Variants in RAB31 observed in about 807,000 individuals in gnomAD.
RAB31 encodes RAB31, member RAS oncogene family.
A neutral mutation model predicts 25.6 loss-of-function variants in RAB31; 21 were observed. The ratio of observed to expected loss-of-function variants is 0.82; its 90% CI spans 0.58 to 1.18. RAB31 has a LOEUF of 1.18. Among genes scored for constraint, RAB31 ranks in the 50% most tolerant of loss-of-function variants. The pLI is 0.00. For missense variants in RAB31, 196 were observed against 250.1 expected (o/e 0.78, Z 1.46); for synonymous variants, 87 against 84.0 (o/e 1.04, Z -0.20).
intron 1 of RAB31, among the ~76,000 whole-genome samples, chr18:9,772,080 C>T (rs577434674): frequency 4.3e-4 from 65 of 152,270 alleles, no homozygotes; most frequent in Admixed American, 1.4e-3. Flanking sequence ...TTCCCTTTTC[C>T]GCCTTCAAGG....
chr18:9,793,275 G>C (rs758402531), intron 3 of RAB31, among the ~76,000 whole-genome samples: 1 of 151,502 alleles, frequency 6.6e-6, no homozygotes, highest in Non-Finnish European at 1.5e-5. Flanking sequence ...CTGGGGTCTC[G>C]CTATGTTGCC....
In RAB31 at chr18:9,766,001, A is replaced by G. The variant is rs948221614; in HGVS notation, c.40-9277A>G. Among the ~76,000 whole-genome samples the G allele has an allele frequency of 1.3e-5, 2 of 152,050 alleles. No homozygotes were observed. Among genetic ancestry groups the G allele is most frequent in the East Asian group, 1.9e-4 (1 of 5,180 alleles). On this transcript the variant is annotated intron_variant, in intron 1 of 6. Coordinates refer to ENST00000578921, the MANE Select transcript of RAB31 (RefSeq NM_006868.4). This position sits in a 1 kb window ranked among gnomAD's most constrained non-coding sequence, Gnocchi z 4.3. ...GAGTATATTCTCTTCCCCTTAGGCA[A>G]AGCTTCAAAAAAGTGCTTTGTGGGT...
At chr18:9,760,044 T>C (rs966960568) in intron 1 of RAB31, among the ~76,000 whole-genome samples, 1 of 152,136 alleles carries the variant, frequency 6.6e-6, no homozygotes, top group African/African-American at 2.4e-5. Flanking sequence ...CACATTTCCA[T>C]TTTTTTGAAA....
chr18:9,791,858 C>T (rs1030470632), intron 2 of RAB31, among the ~76,000 whole-genome samples: 2 of 152,324 alleles, frequency 1.3e-5, no homozygotes, highest in African/African-American at 4.8e-5. Flanking sequence ...CTCACCTTGG[C>T]CTCCCAAAGT....
chr18:9,786,753 C>T (rs2068435351), intron 2 of RAB31: 1 of 152,200 alleles, frequency 6.6e-6, no homozygotes, highest in Non-Finnish European at 1.5e-5. Context: ...GGCAACTCTG[C>T]TTCCTTCTCT....
chr18:9,736,209 A>C (rs1236975986), intron 1 of RAB31, among the ~76,000 whole-genome samples: 2 of 152,164 alleles, frequency 1.3e-5, no homozygotes, highest in Non-Finnish European at 2.9e-5. Flanking sequence ...ACTTGCCTCA[A>C]GTGATCCTCT....
At chr18:9,842,796 G>A (rs1468411295) in intron 5 of RAB31, among the ~76,000 whole-genome samples, 3 of 152,348 alleles carry the variant, frequency 2.0e-5, no homozygotes, top group East Asian at 3.9e-4. Context: ...ACAGAGTCAC[G>A]GGTTTGGGTT....
chr18:9,759,371 A>G (rs931360057), intron 1 of RAB31, among the ~76,000 whole-genome samples: 5 of 151,752 alleles, frequency 3.3e-5, no homozygotes, highest in South Asian at 2.1e-4. Context: ...GTGTCTCGCT[A>G]TGTTGTCCAG....
chr18:9,795,231 A>G (rs2068481193), intron 3 of RAB31, among the ~76,000 whole-genome samples: 1 of 152,222 alleles, frequency 6.6e-6, no homozygotes, highest in Non-Finnish European at 1.5e-5. Flanking sequence ...ACCCTATACA[A>G]AAATCAATGC....
intron 1 of RAB31, chr18:9,735,536 G>T (rs552262402): frequency 4.6e-5 from 9 of 197,360 alleles, no homozygotes; most frequent in African/African-American, 1.6e-4. Context: ...TCCGCACTCG[G>T]TGATGTGGCC....
chr18:9,733,100 A>G (rs1413322762), intron 1 of RAB31, among the ~76,000 whole-genome samples: 3 of 152,198 alleles, frequency 2.0e-5, no homozygotes, highest in African/African-American at 7.2e-5. Context: ...TGCGCACAGC[A>G]CTTGGGTGTT....
chr18:9,749,493 A>C (rs1222538801), intron 1 of RAB31, among the ~76,000 whole-genome samples: 2 of 152,150 alleles, frequency 1.3e-5, no homozygotes, highest in African/African-American at 4.8e-5. Flanking sequence ...GAGAGCTGGG[A>C]TTTATTGTAA....
chr18:9,809,199 T>C (rs1020182357), intron 3 of RAB31, among the ~76,000 whole-genome samples: 33 of 152,202 alleles, frequency 2.2e-4, no homozygotes, highest in Admixed American at 5.2e-4. Flanking sequence ...GTCACAGAGC[T>C]GGAAAAACCT....
intron 5 of RAB31, among the ~76,000 whole-genome samples, chr18:9,821,851 T>G (rs1255405686): frequency 6.6e-6 from 1 of 152,138 alleles, no homozygotes; most frequent in Non-Finnish European, 1.5e-5. Context: ...GTTTATGAAT[T>G]GAAAGTCTCA....
intron 1 of RAB31, among the ~76,000 whole-genome samples, chr18:9,754,103 A>G (rs999023210): frequency 4.6e-5 from 7 of 152,186 alleles, no homozygotes; most frequent in Non-Finnish European, 7.3e-5. Flanking sequence ...ACAAAACTCC[A>G]TCCTGTTGAA....
intron 5 of RAB31, among the ~76,000 whole-genome samples, chr18:9,822,878 A>G (rs1301681446): frequency 1.3e-5 from 2 of 152,256 alleles, no homozygotes; most frequent in Non-Finnish European, 2.9e-5. Flanking sequence ...CTAAACGTGC[A>G]GTTACCATAT....
chr18:9,736,272 C>T lies in RAB31; in HGVS notation c.39+27828C>T, dbSNP rs539823101. On this transcript the variant is annotated intron_variant, in intron 1 of 6. Transcript: ENST00000578921. ...TACAGATGTGAACCACCATGCCTAGCCTGAAAACATTTCCTTTTGATTCTA... is the reference window on the plus strand; with the variant it reads ...TACAGATGTGAACCACCATGCCTAGTCTGAAAACATTTCCTTTTGATTCTA... Among the ~76,000 whole-genome samples, 13 of 152,304 alleles carry T rather than the reference C, an allele frequency of 8.5e-5. No individual in the cohort carries two copies. The East Asian group carries it at 2.5e-3, about 29-fold the overall frequency.
intron 1 of RAB31, among the ~76,000 whole-genome samples, chr18:9,744,009 G>T (rs958822491): frequency 6.6e-6 from 1 of 152,224 alleles, no homozygotes; most frequent in African/African-American, 2.4e-5. Flanking sequence ...GGCACAGTGG[G>T]TGCATTAATC....
intron 1 of RAB31, among the ~76,000 whole-genome samples, chr18:9,767,756 CAT>C (rs953798707): frequency 6.6e-5 from 10 of 152,064 alleles, no homozygotes; most frequent in Non-Finnish European, 1.2e-4. Context: ...TTCTGGGACA[CAT>C]GTGCAGAACG....
Sources: allele counts gnomAD v4.1 joint callset (sites outside exome capture counted in the v4.1 genomes callset), GRCh38; gene constraint gnomAD v4.1.1; non-coding constraint Gnocchi (gnomAD v3.1); transcripts MANE v1.5; gene names NCBI Gene and HGNC (gene_info 2026-07-23, HGNC 2026-07-21).